The following SLC41A1 variants were observed in gnomAD, a reference collection of about 807,000 sequenced individuals.
SLC41A1 encodes solute carrier family 41 (magnesium transporter), member 1.
A neutral mutation model predicts 47.3 loss-of-function variants in SLC41A1; 20 were observed. That is an observed-to-expected ratio of 0.42 (90% CI 0.30 to 0.61). The LOEUF (loss-of-function observed/expected upper bound fraction) is 0.61, where lower values mean the gene tolerates loss of function less well. Among genes scored for constraint, SLC41A1 ranks in the 20% least tolerant of loss-of-function variants. The probability of loss-of-function intolerance (pLI) is 0.17; values close to 1 mark genes in which losing one functional copy is unlikely to be tolerated. For synonymous variants in SLC41A1, 282 were observed against 272.7 expected, an observed-to-expected ratio of 1.03 and a Z score of -0.34; for missense variants, 504 against 674.1, an observed-to-expected ratio of 0.75 and a Z score of 2.79.
chr1:205,802,312 C>T (rs1655900756), intron 2 of SLC41A1, among the ~76,000 whole-genome samples: 1 of 152,194 alleles, frequency 6.6e-6, no homozygotes, highest in Non-Finnish European at 1.5e-5. Context: ...CGTAGACCGG[C>T]TGGACACCTT....
chr1:205,802,767 A>AATAAG (rs1655917741), intron 2 of SLC41A1, among the ~76,000 whole-genome samples: 1 of 151,648 alleles, frequency 6.6e-6, no homozygotes, highest in African/African-American at 2.4e-5. Flanking sequence ...AATAAAATAA[A>AATAAG]ATAGATAAAA....
chr1:205,812,614 C>T (rs1355155468), intron 1 of SLC41A1, 194 bp downstream of exon 1: 2 of 316,050 alleles, frequency 6.3e-6, no homozygotes, highest in Non-Finnish European at 4.6e-6. Context: ...AAAAGTGAAC[C>T]AGGACGCCCT....
chr1:205,809,459 TG>T (rs1314688081), intron 2 of SLC41A1, among the ~76,000 whole-genome samples: 3 of 152,262 alleles, frequency 2.0e-5, no homozygotes, highest in African/African-American at 7.2e-5. Flanking sequence ...TTAGCACATT[TG>T]GGTCTTGTTA....
At chr1:205,809,385 A>G (rs1656089619) in intron 2 of SLC41A1, among the ~76,000 whole-genome samples, 1 of 152,172 alleles carries the variant, frequency 6.6e-6, no homozygotes, top group Admixed American at 6.5e-5. Flanking sequence ...ACAGGTGAGG[A>G]GCAAAGAGGA....
chr1:205,803,024 C>A (rs1655927041), intron 2 of SLC41A1, among the ~76,000 whole-genome samples: 1 of 152,018 alleles, frequency 6.6e-6, no homozygotes, highest in African/African-American at 2.4e-5. Context: ...CAAAAATTAG[C>A]CGGGAATGGT....
chr1:205,798,844 C>T, intron 5 of SLC41A1, 29 bp from the exon 6 acceptor site: 5 of 1,614,130 alleles, frequency 3.1e-6, no homozygotes, highest in Non-Finnish European at 4.2e-6. Context: ...GAGGGGCAGG[C>T]AGGGTGAGAA....
chr1:205,795,264 C>T, intron 9 of SLC41A1, 80 bp downstream of exon 9: 1 of 1,604,848 alleles, frequency 6.2e-7, no homozygotes. Flanking sequence ...GGATCTGGGG[C>T]CCCAGCTGTC....
chr1:205,791,423 G>C lies in SLC41A1; in HGVS notation c.*110C>G. On this transcript the variant is annotated 3_prime_UTR_variant, in exon 11 of 11. Transcript: ENST00000367137. The surrounding 1 kb of genome is among the most constrained non-coding windows in gnomAD (Gnocchi z 4.0). ...AAAATAATGAGAATTTGGTATCAAA[G>C]TGAAGTCCTAGAAAGAGGTGGGAGT... The C allele has an allele frequency of 7.7e-7, 1 of 1,301,104 alleles. No homozygotes were observed. Among genetic ancestry groups the C allele is most frequent in the Non-Finnish European group, 1.1e-6 (1 of 912,436 alleles). 80.6% of individuals were successfully genotyped at this position (1,301,104 alleles called of 1,614,324 possible). A position where few individuals can be genotyped will look rare whatever the true frequency, so the allele number is the denominator to read the frequency against.
chr1:205,797,081 C>T (rs931528726), intron 7 of SLC41A1, 78 bp from the exon 8 acceptor site: 6 of 1,278,566 alleles, frequency 4.7e-6, no homozygotes, highest in Non-Finnish European at 6.7e-6. Context: ...GAGGTCCAGG[C>T]CCACCTATCC....
chr1:205,800,030 G>C (rs1164079881), intron 3 of SLC41A1, among the ~76,000 whole-genome samples, 200 bp from the exon 4 acceptor site: 1 of 152,210 alleles, frequency 6.6e-6, no homozygotes, highest in Non-Finnish European at 1.5e-5. Flanking sequence ...TCCTGCAGCT[G>C]GGTGGGGGGT....
chr1:205,793,629 T>G (rs2102500158), intron 10 of SLC41A1, among the ~76,000 whole-genome samples: 1 of 152,306 alleles, frequency 6.6e-6, no homozygotes, highest in Middle Eastern at 3.4e-3. Flanking sequence ...GAAATAAAAT[T>G]ATGGTCTGTG....
chr1:205,796,862 T>C (rs2102502587), intron 8 of SLC41A1, 62 bp downstream of exon 8: 3 of 1,538,164 alleles, frequency 2.0e-6, no homozygotes, highest in East Asian at 2.3e-5. Flanking sequence ...CCTTAAGTCC[T>C]CTTCTCCTGT....
In SLC41A1 at chr1:205,813,076, C is replaced by T; in HGVS notation, c.-915G>A. 1 of 985,504 alleles carries T rather than the reference C, an allele frequency of 1.0e-6. No individual in the cohort carries two copies. Among genetic ancestry groups the T allele is most frequent in the South Asian group, 4.7e-5 (1 of 21,290 alleles). 61.0% of individuals were successfully genotyped at this position (985,504 alleles called of 1,614,324 possible). ...AGGGCAGGATATATCGCTTCGGGCC[C>T]GGCGGGGGGGCACCCGGACGGGGGA... is the stretch of plus-strand genomic sequence containing the variant. On this transcript the variant is annotated 5_prime_UTR_variant, in exon 1 of 11. Coordinates refer to ENST00000367137, the MANE Select transcript of SLC41A1 (RefSeq NM_173854.6).
chr1:205,808,635 C>G lies in SLC41A1; in HGVS notation c.372+1435G>C, dbSNP rs568542772. Among the ~76,000 whole-genome samples, 3 of 152,322 alleles carry G rather than the reference C, an allele frequency of 2.0e-5. No homozygotes were observed. The South Asian group carries it at 6.2e-4, about 32-fold the overall frequency. ...GTTACCCTAGTCTCTTTCTCCTCCT[C>G]CTACTGTCCCAGTCCCGGCCCTAGG... On this transcript the variant is annotated intron_variant, in intron 2 of 10. Coordinates refer to ENST00000367137, the MANE Select transcript of SLC41A1 (RefSeq NM_173854.6).
chr1:205,809,947 A>T, intron 2 of SLC41A1, 123 bp downstream of exon 2: 2 of 1,423,356 alleles, frequency 1.4e-6, no homozygotes, highest in East Asian at 2.5e-5. Flanking sequence ...GATCCAAAGG[A>T]AAACAGTATT....
chr1:205,793,036 C>A (rs1275342823), intron 10 of SLC41A1, among the ~76,000 whole-genome samples: 1 of 152,176 alleles, frequency 6.6e-6, no homozygotes, highest in East Asian at 1.9e-4. Flanking sequence ...TTGCTCTGCA[C>A]ACAGCTGTCT....
intron 1 of SLC41A1, 34 bp downstream of exon 1, chr1:205,812,774 C>T (rs569026851): frequency 1.5e-5 from 15 of 985,316 alleles, no homozygotes; most frequent in Admixed American, 6.1e-5. Context: ...CCCTCCACCA[C>T]CCCCTCCCCG....
At chr1:205,798,220 C>A (rs1189492497) in intron 6 of SLC41A1, among the ~76,000 whole-genome samples, 169 bp from the exon 7 acceptor site, 1 of 152,158 alleles carries the variant, frequency 6.6e-6, no homozygotes, top group East Asian at 1.9e-4. Context: ...GTAGGTGGGA[C>A]AAGCCTTTTC....
At position 205,796,435 on chromosome 1, in the gene SLC41A1, G is replaced by A. The variant is rs1004045788; in HGVS notation, c.1072+489C>T. 4 of 216,982 alleles carry A rather than the reference G, an allele frequency of 1.8e-5. No homozygotes were observed. In the South Asian group the frequency reaches 2.0e-4, roughly 11 times the overall value. 13.4% of individuals were successfully genotyped at this position (216,982 alleles called of 1,614,324 possible). ...CTTGGGAAAGGTATAGTTCCCATGA[G>A]AGTGGGTTGTCATAAAGCGAGGTTT... is the stretch of plus-strand genomic sequence containing the variant. On this transcript the variant is annotated intron_variant, in intron 8 of 10. Transcript: ENST00000367137.
Sources: allele counts gnomAD v4.1 joint callset (sites outside exome capture counted in the v4.1 genomes callset), GRCh38; gene constraint gnomAD v4.1.1; non-coding constraint Gnocchi (gnomAD v3.1); transcripts MANE v1.5; gene names NCBI Gene and HGNC (gene_info 2026-07-23, HGNC 2026-07-21).